NCKAP5: variants seen among roughly 807,000 people sequenced by gnomAD.
NCKAP5 encodes NCK associated protein 5, also known as nck-associated protein 5.
In NCKAP5, 92 loss-of-function variants were observed where a neutral mutation model predicts 167.0. The ratio of observed to expected loss-of-function variants is 0.55; its 90% CI spans 0.47 to 0.66. The LOEUF (loss-of-function observed/expected upper bound fraction) is 0.66, where lower values mean the gene tolerates loss of function less well. NCKAP5 is among the 30% of genes least tolerant of loss of function. The pLI is 0.00. For synonymous variants in NCKAP5, 891 were observed against 877.4 expected, an observed-to-expected ratio of 1.02 and a Z score of -0.27; for missense variants, 2,378 against 2,315.0, an observed-to-expected ratio of 1.03 and a Z score of -0.56.
intron 3 of NCKAP5, among the ~76,000 whole-genome samples, chr2:133,398,026 C>T (rs1456206052): frequency 6.6e-6 from 1 of 152,026 alleles, no homozygotes; most frequent in Non-Finnish European, 1.5e-5. Context: ...GTCAAGCAGG[C>T]TCTGGGGTGG....
At chr2:132,877,554 C>T (rs1691379808) in intron 9 of NCKAP5, among the ~76,000 whole-genome samples, 1 of 152,154 alleles carries the variant, frequency 6.6e-6, no homozygotes, top group Admixed American at 6.5e-5. Flanking sequence ...ATCTGCATTC[C>T]CAATGAGGCC....
chr2:133,166,602 C>A (rs1232619111), intron 5 of NCKAP5, among the ~76,000 whole-genome samples: 3 of 152,174 alleles, frequency 2.0e-5, no homozygotes, highest in African/African-American at 7.2e-5. Flanking sequence ...CACATATACA[C>A]ACAAATGATG....
At chr2:132,874,336 C>T (rs1205355959) in intron 9 of NCKAP5, among the ~76,000 whole-genome samples, 2 of 152,202 alleles carry the variant, frequency 1.3e-5, no homozygotes, top group Non-Finnish European at 2.9e-5. Flanking sequence ...TCTCGCACTC[C>T]TGACCTTGTG....
intron 5 of NCKAP5, among the ~76,000 whole-genome samples, chr2:133,134,687 G>A (rs1454565261): frequency 6.6e-6 from 1 of 152,196 alleles, no homozygotes; most frequent in African/African-American, 2.4e-5. Context: ...ATACCTCATA[G>A]CCTACACATA....
Position 133,167,469 on chromosome 2 carries a change from C to T in NCKAP5, c.208-37358G>A, listed in dbSNP as rs59048088. 7.7e-3 allele frequency among the ~76,000 whole-genome samples: 1,165 copies of T among 152,226 alleles called. 10 individuals are homozygous for T. Among genetic ancestry groups the T allele is most frequent in the African/African-American group, 0.027 (1,101 of 41,544 alleles). On this transcript the variant is annotated intron_variant, in intron 5 of 19. Coordinates refer to ENST00000409261, the MANE Select transcript of NCKAP5 (RefSeq NM_207363.3). ...AGTTCACAAATCATATTAATATTAACATATTTGATCCCCCTACCATACATG... is the reference window on the plus strand; with the variant it reads ...AGTTCACAAATCATATTAATATTAATATATTTGATCCCCCTACCATACATG...
At chr2:133,412,668 T>C (rs913198790) in intron 3 of NCKAP5, among the ~76,000 whole-genome samples, 1 of 152,192 alleles carries the variant, frequency 6.6e-6, no homozygotes, top group Non-Finnish European at 1.5e-5. Context: ...CTGTAATTAT[T>C]ATAAACCAGA....
At chr2:132,863,595 G>A (rs770451900) in intron 10 of NCKAP5, among the ~76,000 whole-genome samples, 1 of 151,960 alleles carries the variant, frequency 6.6e-6, no homozygotes. Flanking sequence ...ACAATTTATC[G>A]ACCCTGAGAA....
the NCKAP5 span, among the ~76,000 whole-genome samples, chr2:133,656,245 TG>T: frequency 6.6e-6 from 1 of 150,464 alleles, no homozygotes; most frequent in Non-Finnish European, 1.5e-5. Context: ...GAGCCTAAAA[TG>T]CCTCGTGGAA....
chr2:132,944,454 C>G (rs1278799743), intron 8 of NCKAP5, among the ~76,000 whole-genome samples: 2 of 152,166 alleles, frequency 1.3e-5, no homozygotes, highest in African/African-American at 4.8e-5. Flanking sequence ...ATCCTTCCAA[C>G]AACCGTGTTA....
intron 8 of NCKAP5, among the ~76,000 whole-genome samples, chr2:132,888,262 A>G (rs2148855495): frequency 6.6e-6 from 1 of 152,366 alleles, no homozygotes; most frequent in African/African-American, 2.4e-5. Context: ...TCATACACAC[A>G]TGTGGATATA....
At chr2:132,844,615 A>G (rs2105443329) in intron 11 of NCKAP5, among the ~76,000 whole-genome samples, 1 of 152,264 alleles carries the variant, frequency 6.6e-6, no homozygotes, top group South Asian at 2.1e-4. Flanking sequence ...CTAGGTCATG[A>G]AATATGGTTT....
At position 133,293,565 on chromosome 2, in the gene NCKAP5, T is replaced by G. The variant is rs372839559; in HGVS notation, c.143+9472A>C. ...ACAGTGATGTTATTTCATCAGGGGCTTCATGGTTATAAGAAGCCTGAACAC... is the reference window on the plus strand; with the variant it reads ...ACAGTGATGTTATTTCATCAGGGGCGTCATGGTTATAAGAAGCCTGAACAC... On this transcript the variant is annotated intron_variant, in intron 4 of 19. Coordinates refer to ENST00000409261, the MANE Select transcript of NCKAP5 (RefSeq NM_207363.3). Among the ~76,000 whole-genome samples, 30 of 152,332 alleles carry G rather than the reference T, an allele frequency of 2.0e-4. No homozygotes were observed. In the East Asian group the frequency reaches 4.1e-3, roughly 21 times the overall value.
intron 6 of NCKAP5, among the ~76,000 whole-genome samples, chr2:133,035,250 C>T (rs1181657259): frequency 5.9e-5 from 9 of 151,718 alleles, no homozygotes; most frequent in Admixed American, 3.3e-4. Flanking sequence ...CCTGGAGTAC[C>T]CAGATGTATA....
At chr2:132,925,744 T>G (rs1223456793) in intron 8 of NCKAP5, among the ~76,000 whole-genome samples, 1 of 151,984 alleles carries the variant, frequency 6.6e-6, no homozygotes, top group Non-Finnish European at 1.5e-5. Context: ...ACCCCTGTTT[T>G]GGGGGATAGT....
At chr2:132,695,626 T>C (rs552381596) in intron 19 of NCKAP5, among the ~76,000 whole-genome samples, 2 of 152,336 alleles carry the variant, frequency 1.3e-5, no homozygotes, top group East Asian at 3.9e-4. Context: ...CTTTGACCTT[T>C]GGTGGATAAA....
At chr2:133,673,249 C>A in the NCKAP5 span, among the ~76,000 whole-genome samples, 16 of 152,306 alleles carry the variant, frequency 1.1e-4, no homozygotes, top group East Asian at 2.9e-3. Flanking sequence ...TCTTTTTCTG[C>A]AAGGCTGTGC....
chr2:133,123,682 C>T, intron 6 of NCKAP5: 1 of 442,878 alleles, frequency 2.3e-6, no homozygotes, highest in Non-Finnish European at 4.8e-6. Context: ...TGAGACAGGT[C>T]AAAGTTGACG....
chr2:133,394,849 C>A (rs1195517170), intron 3 of NCKAP5, among the ~76,000 whole-genome samples: 1 of 152,152 alleles, frequency 6.6e-6, no homozygotes, highest in Non-Finnish European at 1.5e-5. Context: ...TTAAATCATG[C>A]ATGAAAATGC....
At chr2:133,667,381 C>T in the NCKAP5 span, among the ~76,000 whole-genome samples, 1 of 151,960 alleles carries the variant, frequency 6.6e-6, no homozygotes, top group African/African-American at 2.4e-5. Context: ...ATTCAGCTTA[C>T]AGGATGTCTG....
Sources: gnomAD v4.1 joint callset for allele counts (sites outside exome capture counted in the v4.1 genomes callset) on GRCh38, gnomAD v4.1.1 for gene constraint, MANE v1.5 for transcripts, NCBI Gene and HGNC (gene_info 2026-07-23, HGNC 2026-07-21) for gene names.